The following CFAP20 variants were observed in gnomAD, a reference collection of about 807,000 sequenced individuals.
The protein encoded by CFAP20 is cilia- and flagella-associated protein 20.
In CFAP20, 14 loss-of-function variants were observed where a neutral mutation model predicts 25.5. That is an observed-to-expected ratio of 0.55 (90% CI 0.36 to 0.86). The LOEUF is 0.86. Ranked by LOEUF, CFAP20 falls within the 40% of genes least tolerant of loss-of-function variation. The pLI, the probability that CFAP20 is intolerant of heterozygous loss-of-function variation, is 0.01. For synonymous variants in CFAP20, 75 were observed against 91.1 expected (o/e 0.82, Z 1.01); for missense variants, 181 against 248.0 (o/e 0.73, Z 1.81).
chr16:58,121,519 AT>A (rs1429800904), intron 1 of CFAP20, among the ~76,000 whole-genome samples: 3 of 152,244 alleles, frequency 2.0e-5, no homozygotes, highest in African/African-American at 7.2e-5. Context: ...CTCAAAAAAA[AT>A]AAAATAAAAA....
chr16:58,116,574 A>G (rs545060310), intron 2 of CFAP20: 10 of 439,670 alleles, frequency 2.3e-5, no homozygotes, highest in South Asian at 2.1e-4. Context: ...GGTTAATAAT[A>G]TAGCTAATAC....
At chr16:58,116,486 A>G (rs1030008712) in intron 2 of CFAP20, 3 of 341,752 alleles carry the variant, frequency 8.8e-6, no homozygotes, top group South Asian at 6.4e-5. Context: ...TGAGACCTCT[A>G]TGGCACTGAA....
chr16:58,116,220 A>G, intron 2 of CFAP20, 68 bp from the exon 3 acceptor site: 1 of 1,163,784 alleles, frequency 8.6e-7, no homozygotes, highest in South Asian at 1.3e-5. Context: ...GCACAACAAT[A>G]ACACACGGTC....
chr16:58,115,539 C>T (rs577690210), intron 3 of CFAP20, 82 bp from the exon 4 acceptor site: 2 of 1,506,076 alleles, frequency 1.3e-6, no homozygotes, highest in Admixed American at 3.9e-5. Flanking sequence ...GACCTGAATT[C>T]CCACAGCTTG....
intron 5 of CFAP20, among the ~76,000 whole-genome samples, chr16:58,114,357 G>A (rs371885536): frequency 7.2e-5 from 11 of 152,060 alleles, no homozygotes; most frequent in East Asian, 3.9e-4. Context: ...GTGAAACCCC[G>A]TCTCTATAAA....
chr16:58,127,540 G>C (rs1960633103), intron 1 of CFAP20, among the ~76,000 whole-genome samples: 1 of 152,162 alleles, frequency 6.6e-6, no homozygotes, highest in Admixed American at 6.5e-5. Context: ...GAGTTCCCAG[G>C]CACCCTGGGC....
chr16:58,115,993 T>C, intron 3 of CFAP20, 48 bp downstream of exon 3: 2 of 1,371,238 alleles, frequency 1.5e-6, no homozygotes, highest in Non-Finnish European at 2.1e-6. Context: ...TCAAAGGCTA[T>C]CACTTTGGTA....
intron 3 of CFAP20, 192 bp from the exon 4 acceptor site, chr16:58,115,649 G>A: frequency 3.1e-6 from 2 of 640,178 alleles, no homozygotes; most frequent in Non-Finnish European, 5.4e-6. Context: ...CTTGTTTGTT[G>A]CCAAGACAAC....
chr16:58,114,098 G>C, intron 5 of CFAP20, 68 bp from the exon 6 acceptor site: 2 of 1,508,722 alleles, frequency 1.3e-6, no homozygotes, highest in Non-Finnish European at 1.8e-6. Context: ...AGTGTCACAG[G>C]CCCCCTGCCT....
At chr16:58,115,580 A>G in intron 3 of CFAP20, 123 bp from the exon 4 acceptor site, 1 of 1,170,676 alleles carries the variant, frequency 8.5e-7, no homozygotes, top group Non-Finnish European at 1.2e-6. Context: ...AGAGGAAAAT[A>G]AACAGACCAG....
intron 1 of CFAP20, among the ~76,000 whole-genome samples, chr16:58,123,284 G>T (rs895882790): frequency 7.3e-6 from 1 of 136,486 alleles, no homozygotes; most frequent in African/African-American, 2.6e-5. Flanking sequence ...ACTGCGCCCA[G>T]CCAGGATTAC....
intron 1 of CFAP20, among the ~76,000 whole-genome samples, chr16:58,126,919 G>C (rs574680659): frequency 1.3e-5 from 2 of 152,254 alleles, no homozygotes; most frequent in Admixed American, 6.5e-5. Flanking sequence ...CCCAAGAGGG[G>C]AAAAATCCTC....
chr16:58,115,222 T>C (rs1960441096), intron 4 of CFAP20, 47 bp downstream of exon 4: 2 of 1,607,476 alleles, frequency 1.2e-6, no homozygotes, highest in Admixed American at 1.7e-5. Context: ...TTAGACGCAG[T>C]GTGCCCTATC....
rs144155268 is a variant in CFAP20, at chr16:58,121,133, C to A, written c.85-4182G>T. ...TAAAACTAGGATCAAAGGGGAGAGG[C>A]GACAGGCAATTTGGGGCAAAGGCTC... On this transcript the variant is annotated intron_variant, in intron 1 of 5. Coordinates refer to ENST00000262498, the MANE Select transcript of CFAP20 (RefSeq NM_013242.3). 4.8e-3 allele frequency among the ~76,000 whole-genome samples: 735 copies of A among 152,198 alleles called. 6 individuals carry two copies. The highest frequency in any genetic ancestry group is 0.017 in the African/African-American group (689 of 41,514).
chr16:58,122,839 T>C (rs1368150456), intron 1 of CFAP20, among the ~76,000 whole-genome samples: 1 of 152,218 alleles, frequency 6.6e-6, no homozygotes, highest in Admixed American at 6.5e-5. Flanking sequence ...CATGGGAATC[T>C]AACACTATCC....
At chr16:58,117,886 G>A (rs768095570) in intron 1 of CFAP20, among the ~76,000 whole-genome samples, 2 of 152,158 alleles carry the variant, frequency 1.3e-5, no homozygotes, top group Admixed American at 6.5e-5. Flanking sequence ...TTTAAAGCAG[G>A]AATTCAATTC....
intron 1 of CFAP20, among the ~76,000 whole-genome samples, chr16:58,128,473 A>G (rs371678573): frequency 9.2e-5 from 14 of 152,202 alleles, no homozygotes; most frequent in African/African-American, 3.4e-4. Flanking sequence ...AAATGAATGC[A>G]ATTTAAACAT....
rs746124389 is a variant in CFAP20 at position 58,116,958 on chromosome 16, G to C, written c.85-7C>G. On this transcript the variant is annotated splice_polypyrimidine_tract_variant and splice_region_variant and intron_variant, in intron 1 of 5. Transcript: ENST00000262498. ...TGATGTGGCCATTCCGTACCTACAA[G>C]AAAGAAAATTCGATTAGTACTGAAA... 65 of 1,612,868 alleles carry C rather than the reference G, an allele frequency of 4.0e-5. No individual in the cohort carries two copies. The Admixed American group carries it at 1.1e-3, about 26-fold the overall frequency.
At chr16:58,117,177 C>T in intron 1 of CFAP20, 2 of 537,770 alleles carry the variant, frequency 3.7e-6, no homozygotes, top group South Asian at 2.6e-5. Flanking sequence ...AACTTCTCCC[C>T]AAATACATCA....
Sources: allele counts gnomAD v4.1 joint callset (sites outside exome capture counted in the v4.1 genomes callset), GRCh38; gene constraint gnomAD v4.1.1; transcripts MANE v1.5; gene names NCBI Gene and HGNC (gene_info 2026-07-23, HGNC 2026-07-21).